Variants in PELI1 observed in about 807,000 individuals in gnomAD.
PELI1 encodes pellino E3 ubiquitin protein ligase 1.
PELI1 carries 15 observed loss-of-function variants against 41.3 expected under a neutral mutation model. That is an observed-to-expected ratio of 0.36 (90% CI 0.24 to 0.56). PELI1 has a LOEUF of 0.56. Ranked by LOEUF, PELI1 falls within the 20% of genes least tolerant of loss-of-function variation. The pLI, the probability that PELI1 is intolerant of heterozygous loss-of-function variation, is 0.82. For missense variants in PELI1, 403 were observed against 525.5 expected (o/e 0.77, Z 2.28); for synonymous variants, 178 against 180.1 (o/e 0.99, Z 0.09).
At chr2:64,121,781 T>C (rs569354337) in intron 1 of PELI1, among the ~76,000 whole-genome samples, 3 of 152,106 alleles carry the variant, frequency 2.0e-5, no homozygotes, top group African/African-American at 7.2e-5. Context: ...GGCACATGCC[T>C]GTAATCCCAG....
At chr2:64,101,978 C>T (rs1442710093) in intron 3 of PELI1, among the ~76,000 whole-genome samples, 7 of 152,046 alleles carry the variant, frequency 4.6e-5, no homozygotes, top group Non-Finnish European at 1.0e-4. Flanking sequence ...CAGGTGCATG[C>T]CACCACGCCC....
intron 1 of PELI1, among the ~76,000 whole-genome samples, chr2:64,130,686 T>C (rs12472816): frequency 0.17 from 26,534 of 152,134 alleles, 3,110 homozygotes; most frequent in Non-Finnish European, 0.24. Context: ...TCTTACGAAA[T>C]CTTCATTTTA....
intron 1 of PELI1, among the ~76,000 whole-genome samples, chr2:64,122,731 G>GA (rs1553357677): frequency 1.3e-5 from 2 of 152,124 alleles, no homozygotes; most frequent in Non-Finnish European, 1.5e-5. Context: ...AACATGCCCA[G>GA]TTTTTTACTT....
intron 1 of PELI1, among the ~76,000 whole-genome samples, chr2:64,142,673 A>G (rs183766027): frequency 5.3e-5 from 8 of 152,354 alleles, no homozygotes; most frequent in Admixed American, 2.6e-4. Context: ...CACTCAGAAA[A>G]TATTTTGTTG....
chr2:64,135,706 T>C (rs1157140114), intron 1 of PELI1, among the ~76,000 whole-genome samples: 1 of 152,204 alleles, frequency 6.6e-6, no homozygotes, highest in African/African-American at 2.4e-5. Flanking sequence ...CAAAGCTTAA[T>C]AGATTGAATT....
chr2:64,119,839 T>C (rs979062576), intron 1 of PELI1, among the ~76,000 whole-genome samples: 1 of 152,224 alleles, frequency 6.6e-6, no homozygotes, highest in South Asian at 2.1e-4. Flanking sequence ...CTTTTCATAT[T>C]AGTAAACCTA....
At chr2:64,131,667 CT>C (rs1249494339) in intron 1 of PELI1, among the ~76,000 whole-genome samples, 1 of 151,692 alleles carries the variant, frequency 6.6e-6, no homozygotes, top group African/African-American at 2.4e-5. Context: ...ATTGCCCAGG[CT>C]AGAGTGCAGT....
intron 1 of PELI1, among the ~76,000 whole-genome samples, chr2:64,142,874 T>C (rs1447802501): frequency 1.3e-5 from 2 of 152,154 alleles, no homozygotes; most frequent in Non-Finnish European, 2.9e-5. Flanking sequence ...TCATGTGCAA[T>C]GAAAACAAAG....
intron 1 of PELI1, among the ~76,000 whole-genome samples, chr2:64,124,031 C>T (rs529751783): frequency 5.9e-5 from 9 of 152,254 alleles, no homozygotes; most frequent in African/African-American, 2.2e-4. Context: ...TGAAAGAAGT[C>T]AGTCACAAAG....
chr2:64,134,519 C>T (rs539604623), intron 1 of PELI1, among the ~76,000 whole-genome samples: 5 of 152,124 alleles, frequency 3.3e-5, no homozygotes, highest in African/African-American at 7.2e-5. Flanking sequence ...TCTATAGGAC[C>T]GGTTTCTAAT....
chr2:64,104,195 C>T, intron 3 of PELI1, among the ~76,000 whole-genome samples: 1 of 152,166 alleles, frequency 6.6e-6, no homozygotes, highest in Non-Finnish European at 1.5e-5. Context: ...AGGTACTATG[C>T]TCAAATATAT....
intron 1 of PELI1, among the ~76,000 whole-genome samples, chr2:64,132,639 C>T (rs757659184): frequency 1.9e-4 from 29 of 152,116 alleles, no homozygotes; most frequent in South Asian, 6.2e-4. Context: ...ATTAATGGAG[C>T]TCTCAGACTG....
rs1187866669 is a variant in PELI1 at position 64,096,290 on chromosome 2, TGTC to T, written c.522_524del (p.Thr175del). On this transcript the variant is annotated inframe_deletion, in exon 6 of 7. Transcript: ENST00000358912. ...TCAAGCCATCCATCTGTCCATCTGA[TGTC>T]TTCCATTTGGCAGCCTTCTCCTAGT... 6.2e-7 allele frequency: 1 copy of T among 1,614,118 alleles called. No individual in the cohort carries two copies. Among genetic ancestry groups the T allele is most frequent in the Non-Finnish European group, 8.5e-7 (1 of 1,179,954 alleles).
chr2:64,122,670 T>G (rs1027578156), intron 1 of PELI1, among the ~76,000 whole-genome samples: 3 of 152,178 alleles, frequency 2.0e-5, no homozygotes, highest in African/African-American at 7.2e-5. Flanking sequence ...ACAATGCAAA[T>G]TCACGCAGAT....
chr2:64,118,694 C>T (rs1355220149), intron 1 of PELI1, among the ~76,000 whole-genome samples: 1 of 152,146 alleles, frequency 6.6e-6, no homozygotes, highest in African/African-American at 2.4e-5. Flanking sequence ...AAAATCTCTA[C>T]AAAGTATGAC....
Position 64,126,744 on chromosome 2 carries a change from G to A in PELI1, c.-70+17337C>T, listed in dbSNP as rs73935059. 3.4e-3 allele frequency among the ~76,000 whole-genome samples: 516 copies of A among 152,128 alleles called. 3 individuals carry two copies. The highest frequency in any genetic ancestry group is 0.012 in the African/African-American group (494 of 41,500). ...TACTTAGGAGGAAGAGGAACAAGAG[G>A]AAGCTTCATAGCAGAGGTATTCAAT... is the stretch of plus-strand genomic sequence containing the variant. On this transcript the variant is annotated intron_variant, in intron 1 of 6. Transcript: ENST00000358912.
At chr2:64,099,883 T>C (rs1680367039) in intron 4 of PELI1, among the ~76,000 whole-genome samples, 2 of 152,236 alleles carry the variant, frequency 1.3e-5, no homozygotes, top group Non-Finnish European at 1.5e-5. Flanking sequence ...TGAGTAGCAT[T>C]GACCAAATAC....
intron 1 of PELI1, among the ~76,000 whole-genome samples, chr2:64,115,203 G>A (rs1472469888): frequency 6.6e-6 from 1 of 152,190 alleles, no homozygotes; most frequent in Non-Finnish European, 1.5e-5. Flanking sequence ...ACTAGAGCTG[G>A]AGTGGCCACA....
chr2:64,131,573 G>A (rs75104892), intron 1 of PELI1, among the ~76,000 whole-genome samples: 1 of 151,768 alleles, frequency 6.6e-6, no homozygotes, highest in East Asian at 1.9e-4. Flanking sequence ...AGGCAGAAAC[G>A]ACAGGATCCT....
Sources: gnomAD v4.1 joint callset for allele counts (sites outside exome capture counted in the v4.1 genomes callset) on GRCh38, gnomAD v4.1.1 for gene constraint, MANE v1.5 for transcripts, NCBI Gene and HGNC (gene_info 2026-07-23, HGNC 2026-07-21) for gene names.